MNAT1: variants seen among roughly 807,000 people sequenced by gnomAD.
MNAT1 encodes MNAT1 component of CDK activating kinase, also known as CDK-activating kinase assembly factor MAT1.
In MNAT1, 43 loss-of-function variants were observed where a neutral mutation model predicts 42.0. That is an observed-to-expected ratio of 1.02 (90% confidence interval 0.80 to 1.32). The LOEUF is 1.32. Among genes scored for constraint, MNAT1 ranks in the 40% most tolerant of loss-of-function variants. MNAT1 has a pLI of 0.00. For synonymous variants in MNAT1, 118 were observed against 120.0 expected, an observed-to-expected ratio of 0.98 and a Z score of 0.11; for missense variants, 306 against 350.4, an observed-to-expected ratio of 0.87 and a Z score of 1.01.
chr14:60,906,636 C>T (rs996463555), intron 7 of MNAT1, among the ~76,000 whole-genome samples: 5 of 151,936 alleles, frequency 3.3e-5, no homozygotes, highest in African/African-American at 1.2e-4. Context: ...AATGGTTGCT[C>T]CTAGGGTTTT....
intron 1 of MNAT1, among the ~76,000 whole-genome samples, chr14:60,777,661 T>G (rs1427303089): frequency 1.3e-5 from 2 of 152,112 alleles, no homozygotes; most frequent in African/African-American, 4.8e-5. Context: ...TAATACATAT[T>G]GGGAAAAGAT....
intron 1 of MNAT1, among the ~76,000 whole-genome samples, chr14:60,758,328 C>G (rs542298270): frequency 2.0e-5 from 3 of 151,854 alleles, no homozygotes; most frequent in Admixed American, 2.0e-4. Flanking sequence ...ATGTCAGCCT[C>G]CTCAGTAGCA....
intron 7 of MNAT1, among the ~76,000 whole-genome samples, chr14:60,943,182 G>T (rs1364473430): frequency 1.3e-5 from 2 of 149,698 alleles, no homozygotes; most frequent in African/African-American, 4.9e-5. Flanking sequence ...CAACAATTGT[G>T]GTTCCTCTGA....
At chr14:60,917,511 A>G (rs190216345) in intron 7 of MNAT1, among the ~76,000 whole-genome samples, 57 of 152,312 alleles carry the variant, frequency 3.7e-4, no homozygotes, top group Admixed American at 1.1e-3. Context: ...TTCGAATGCA[A>G]CTAACCACTC....
chr14:60,876,108 A>T (rs1276648250), intron 6 of MNAT1, among the ~76,000 whole-genome samples: 1 of 152,062 alleles, frequency 6.6e-6, no homozygotes, highest in Non-Finnish European at 1.5e-5. Flanking sequence ...CTGACAATTT[A>T]TGAAGAAGAC....
intron 7 of MNAT1, among the ~76,000 whole-genome samples, chr14:60,943,038 G>GC (rs2036205248): frequency 2.5e-5 from 3 of 118,118 alleles, no homozygotes; most frequent in Admixed American, 9.0e-5. Flanking sequence ...GTGTGTGTGT[G>GC]TGTGTGTGTG....
At chr14:60,804,426 G>C (rs2032303255) in intron 3 of MNAT1, among the ~76,000 whole-genome samples, 1 of 152,026 alleles carries the variant, frequency 6.6e-6, no homozygotes, top group Admixed American at 6.5e-5. Context: ...ATTATGATTT[G>C]CATTTATTAT....
intron 1 of MNAT1, among the ~76,000 whole-genome samples, chr14:60,783,956 A>G (rs1349818508): frequency 6.6e-6 from 1 of 151,974 alleles, no homozygotes; most frequent in East Asian, 1.9e-4. Context: ...CAGCCTCCCA[A>G]GTAGCTGGGA....
chr14:60,815,709 A>G (rs2032693113), intron 5 of MNAT1, among the ~76,000 whole-genome samples: 1 of 152,176 alleles, frequency 6.6e-6, no homozygotes, highest in Admixed American at 6.5e-5. Flanking sequence ...CCTGCAAGTC[A>G]TTACTGCACA....
At chr14:60,867,459 G>A (rs1364310422) in intron 6 of MNAT1, among the ~76,000 whole-genome samples, 3 of 151,902 alleles carry the variant, frequency 2.0e-5, no homozygotes, top group Non-Finnish European at 4.4e-5. Context: ...CTTTTTTACC[G>A]TTATATTCTG....
intron 6 of MNAT1, among the ~76,000 whole-genome samples, chr14:60,853,139 A>G (rs555289824): frequency 1.3e-5 from 2 of 152,206 alleles, no homozygotes; most frequent in South Asian, 2.1e-4. Context: ...TTTGGGCAAT[A>G]TGGCCTTTTT....
chr14:60,764,425 G>A (rs923228220), intron 1 of MNAT1, among the ~76,000 whole-genome samples: 21 of 152,162 alleles, frequency 1.4e-4, no homozygotes, highest in African/African-American at 5.1e-4. Context: ...AGATAGTGAA[G>A]CTAATTGTCT....
chr14:60,781,658 G>A (rs1466729816), intron 1 of MNAT1, among the ~76,000 whole-genome samples: 1 of 151,808 alleles, frequency 6.6e-6, no homozygotes, highest in Non-Finnish European at 1.5e-5. Context: ...AATTTTTTTA[G>A]TTACTTTTAG....
intron 1 of MNAT1, among the ~76,000 whole-genome samples, chr14:60,757,205 C>T (rs2030395096): frequency 6.6e-6 from 1 of 152,096 alleles, no homozygotes; most frequent in African/African-American, 2.4e-5. Flanking sequence ...TTTGTGGAAT[C>T]TGGAGGGATT....
Position 60,883,724 on chromosome 14 carries a change from T to G in MNAT1, c.809+3889T>G, listed in dbSNP as rs181203877. ...CCAATCCATGAACATGGAATATCTTTTGTGTGTGTGTGTCCTCTTCAATTT... is the reference window on the plus strand; with the variant it reads ...CCAATCCATGAACATGGAATATCTTGTGTGTGTGTGTGTCCTCTTCAATTT... On this transcript the variant is annotated intron_variant, in intron 7 of 7. Coordinates refer to ENST00000261245, the MANE Select transcript of MNAT1 (RefSeq NM_002431.4). Among the ~76,000 whole-genome samples the G allele has an allele frequency of 5.1e-3, 783 of 152,124 alleles. 14 individuals are homozygous for G. Among genetic ancestry groups the G allele is most frequent in the African/African-American group, 0.018 (735 of 41,538 alleles).
At chr14:60,855,962 T>C (rs1390871172) in intron 6 of MNAT1, among the ~76,000 whole-genome samples, 1 of 152,198 alleles carries the variant, frequency 6.6e-6, no homozygotes, top group Non-Finnish European at 1.5e-5. Flanking sequence ...CAGGCCTCCC[T>C]ATTCCTTTAG....
intron 6 of MNAT1, among the ~76,000 whole-genome samples, chr14:60,846,397 A>T (rs909452768): frequency 1.6e-4 from 24 of 151,720 alleles, no homozygotes; most frequent in Non-Finnish European, 2.4e-4. Flanking sequence ...TTTTTAAAAA[A>T]TTTTTTTTGA....
Position 60,955,182 on chromosome 14 carries a change from T to A in MNAT1, c.810-13047T>A, listed in dbSNP as rs566309730. ...ACTGTAATAGTTCTTTTCTTTAATA[T>A]CCTTGTTTGGCTTTTGTATTAGGGT... is the stretch of plus-strand genomic sequence containing the variant. On this transcript the variant is annotated intron_variant, in intron 7 of 7. Transcript: ENST00000261245. 6.6e-5 allele frequency among the ~76,000 whole-genome samples: 10 copies of A among 152,266 alleles called. No homozygotes were observed. The South Asian group carries it at 2.1e-3, about 32-fold the overall frequency.
chr14:60,922,340 AGG>A (rs766148287), intron 7 of MNAT1, among the ~76,000 whole-genome samples: 28 of 152,136 alleles, frequency 1.8e-4, no homozygotes, highest in South Asian at 8.3e-4. Flanking sequence ...GGAGAATAGC[AGG>A]TGTGCATATA....
Sources: gnomAD v4.1 joint callset for allele counts (sites outside exome capture counted in the v4.1 genomes callset) on GRCh38, gnomAD v4.1.1 for gene constraint, MANE v1.5 for transcripts, NCBI Gene and HGNC (gene_info 2026-07-23, HGNC 2026-07-21) for gene names.